Variants in SPINK5 observed in about 807,000 individuals in gnomAD.
SPINK5 encodes serine protease inhibitor Kazal-type 5.
A neutral mutation model predicts 151.8 loss-of-function variants in SPINK5; 125 were observed. The observed-to-expected ratio is 0.82, with a 90% CI of 0.71 to 0.96. SPINK5 has a LOEUF of 0.96. SPINK5 is among the 40% of genes least tolerant of loss of function. The pLI, the probability that SPINK5 is intolerant of heterozygous loss-of-function variation, is 0.00. For synonymous variants in SPINK5, 374 were observed against 395.3 expected (o/e 0.95, Z 0.64); for missense variants, 1,194 against 1,291.9 (o/e 0.92, Z 1.16).
intron 4 of SPINK5, among the ~76,000 whole-genome samples, chr5:148,085,718 C>T (rs1036860951): frequency 6.6e-6 from 1 of 151,850 alleles, no homozygotes; most frequent in Non-Finnish European, 1.5e-5. Context: ...TTTGGGCTTT[C>T]TCCTGCCGTA....
intron 17 of SPINK5, among the ~76,000 whole-genome samples, chr5:148,107,449 T>G (rs1208099520): frequency 6.6e-6 from 1 of 152,130 alleles, no homozygotes; most frequent in Admixed American, 6.6e-5. Flanking sequence ...AGCAGAAATT[T>G]CATGATTTGG....
At chr5:148,065,321 C>T in intron 1 of SPINK5, 26 bp from the exon 2 acceptor site, 2 of 1,610,756 alleles carry the variant, frequency 1.2e-6, no homozygotes, top group African/African-American at 1.3e-5. Flanking sequence ...ATTTCCTTAA[C>T]TTTGGTTTCT....
At chr5:148,077,687 A>G (rs1297450441) in intron 4 of SPINK5, among the ~76,000 whole-genome samples, 3 of 148,402 alleles carry the variant, frequency 2.0e-5, no homozygotes, top group African/African-American at 5.0e-5. Flanking sequence ...AGGGTGATAG[A>G]GAAAATAAAG....
chr5:148,065,874 C>T (rs1430974362), intron 2 of SPINK5, among the ~76,000 whole-genome samples: 1 of 151,888 alleles, frequency 6.6e-6, no homozygotes, highest in East Asian at 1.9e-4. Flanking sequence ...TTTAAGTAAA[C>T]AAAATAGATG....
chr5:148,097,257 A>T (rs188550398), intron 10 of SPINK5, among the ~76,000 whole-genome samples: 17 of 152,026 alleles, frequency 1.1e-4, no homozygotes, highest in African/African-American at 3.9e-4. Flanking sequence ...TAATTTTCCC[A>T]TTGCCTAAAA....
At chr5:148,075,946 A>G (rs557728697) in intron 4 of SPINK5, among the ~76,000 whole-genome samples, 7 of 151,858 alleles carry the variant, frequency 4.6e-5, no homozygotes, top group African/African-American at 1.7e-4. Context: ...GGGTAAGGAA[A>G]ATGGTCTGAG....
rs2113186542 is a variant in SPINK5, at chr5:148,118,467, A to G, written c.2143A>G (p.Lys715Glu). The G allele has an allele frequency of 6.2e-7, 1 of 1,613,896 alleles. No individual in the cohort carries two copies. The highest frequency in any genetic ancestry group is 2.2e-5 in the East Asian group (1 of 44,864). The stretch of plus-strand genomic sequence containing the variant: ...ATGTGCTGAGTATCGGGAACAAATG[A>G]AAAATGGAAGACTCAGCTGTACTCG... ...DECAEYREQM[K>E]NGRLSCTRES... The change falls in exon 23 of 33, where the codon AAA becomes GAA. Residue 715 changes from lysine to glutamate, a missense_variant. Lys to Glu is a moderately conservative substitution (Grantham distance 56, BLOSUM62 1). Coordinates refer to ENST00000256084, the MANE Select transcript of SPINK5 (RefSeq NM_006846.4).
intron 4 of SPINK5, among the ~76,000 whole-genome samples, chr5:148,073,593 A>G (rs1752797578): frequency 6.6e-6 from 1 of 151,780 alleles, no homozygotes; most frequent in Non-Finnish European, 1.5e-5. Context: ...AAAAAATGAT[A>G]TATCTATAGT....
intron 1 of SPINK5, 111 bp downstream of exon 1, chr5:148,064,210 T>A (rs1485997118): frequency 2.8e-6 from 3 of 1,076,738 alleles, no homozygotes; most frequent in Non-Finnish European, 4.3e-6. Flanking sequence ...GCATGTATAA[T>A]CCTGAAATGT....
intron 26 of SPINK5, among the ~76,000 whole-genome samples, chr5:148,121,145 A>G (rs113141169): frequency 5.9e-3 from 601 of 101,474 alleles, no homozygotes; most frequent in Non-Finnish European, 0.01. Context: ...CTCTGTCTCA[A>G]AAAAAAAAAA....
At position 148,120,155 on chromosome 5, in the gene SPINK5, G is replaced by A. The variant is rs1243859397; in HGVS notation, c.2441+19G>A. The A allele has an allele frequency of 6.2e-7, 1 of 1,614,036 alleles. No individual in the cohort carries two copies. Among genetic ancestry groups the A allele is most frequent in the Admixed American group, 1.7e-5 (1 of 60,028 alleles). ...AAAAACTGTGAGTATGTTTCAAAAT[G>A]AGCTTTTGACTGTGAGTCTTAAAGT... On this transcript the variant is annotated intron_variant, in intron 25 of 32. Transcript: ENST00000256084.
chr5:148,111,719 A>G (rs1479023965), intron 18 of SPINK5, 49 bp from the exon 19 acceptor site: 4 of 1,613,010 alleles, frequency 2.5e-6, no homozygotes, highest in Admixed American at 1.7e-5. Flanking sequence ...GAAGATTTCT[A>G]GTGTTTAGTT....
chr5:148,078,262 C>T (rs1752934777), intron 4 of SPINK5, among the ~76,000 whole-genome samples: 1 of 150,768 alleles, frequency 6.6e-6, no homozygotes, highest in Non-Finnish European at 1.5e-5. Flanking sequence ...TGTATACACA[C>T]CTAATAGAGG....
At position 148,070,527 on chromosome 5, in the gene SPINK5, T is replaced by C. The variant is rs1187729900; in HGVS notation, c.209+77T>C. The C allele has an allele frequency of 3.1e-5, 48 of 1,573,458 alleles. 2 individuals carry two copies. The Admixed American group carries it at 8.3e-4, about 27-fold the overall frequency. ...TCTGAACTGGTAAATGTATTCTTTT[T>C]CTTTCAAGTGCATTTTTCTAAACCG... On this transcript the variant is annotated intron_variant, in intron 3 of 32. Transcript: ENST00000256084.
chr5:148,064,062 G>A lies in SPINK5; in HGVS notation c.18G>A (p.Val6=). 1 of 1,614,174 alleles carries A rather than the reference G, an allele frequency of 6.2e-7. No individual in the cohort carries two copies. Among genetic ancestry groups the A allele is most frequent in the African/African-American group, 1.3e-5 (1 of 75,040 alleles). MKIAT[V]SVLLPLALCL... ...TCTTCAACATGAAGATAGCCACAGT[G>A]TCAGTGCTTCTGCCCTTGGCTCTTT... Residue 6 remains valine (V), a synonymous_variant, in exon 1 of 33, where the codon GTG becomes GTA. Coordinates refer to ENST00000256084, the MANE Select transcript of SPINK5 (RefSeq NM_006846.4).
chr5:148,106,704 A>G (rs1753790714), intron 16 of SPINK5, among the ~76,000 whole-genome samples: 1 of 152,128 alleles, frequency 6.6e-6, no homozygotes, highest in South Asian at 2.1e-4. Flanking sequence ...AAGACAAATC[A>G]CAGGTAAGCA....
chr5:148,119,041 G>A lies in SPINK5; in HGVS notation c.2296G>A (p.Gly766Arg), dbSNP rs1008169582. ...TTCTCGCTCCAGATCAAATGGGACT[G>A]GATCAGAATCAGGGAAGGTGAGTTA... is the stretch of plus-strand genomic sequence containing the variant. The part of the protein sequence containing the change: ...EYSRSRSNGT[G>R]SESGKDTCDE... The change falls in exon 24 of 33, where the codon GGA (glycine) becomes AGA (arginine). Residue 766 changes from glycine to arginine, a missense_variant. Transcript: ENST00000256084. The A allele has an allele frequency of 6.8e-6, 11 of 1,613,898 alleles. No individual in the cohort carries two copies. The highest frequency in any genetic ancestry group is 9.3e-6 in the Non-Finnish European group (11 of 1,179,944).
At chr5:148,093,982 C>T (rs867619822) in intron 8 of SPINK5, among the ~76,000 whole-genome samples, 1 of 151,854 alleles carries the variant, frequency 6.6e-6, no homozygotes, top group Non-Finnish European at 1.5e-5. Flanking sequence ...CAGATTAAAA[C>T]GTAGAAAAAT....
chr5:148,102,732 T>G (rs1185532566), intron 15 of SPINK5, among the ~76,000 whole-genome samples: 1 of 152,274 alleles, frequency 6.6e-6, no homozygotes, highest in African/African-American at 2.4e-5. Flanking sequence ...ATTTTTTTGT[T>G]CACTATCTTT....
Sources: allele counts gnomAD v4.1 joint callset (sites outside exome capture counted in the v4.1 genomes callset), GRCh38; gene constraint gnomAD v4.1.1; transcripts MANE v1.5; gene names NCBI Gene and HGNC (gene_info 2026-07-23, HGNC 2026-07-21).